The following THSD4 variants were observed in gnomAD, a reference collection of about 807,000 sequenced individuals.
THSD4 encodes thrombospondin type-1 domain-containing protein 4.
Under a neutral mutation model 119.0 loss-of-function variants are expected in THSD4, and 69 were observed. The observed-to-expected ratio is 0.58, with a 90% CI of 0.48 to 0.71. THSD4 has a LOEUF of 0.71. Ranked by LOEUF, THSD4 falls within the 30% of genes least tolerant of loss-of-function variation. The pLI, the probability that THSD4 is intolerant of heterozygous loss-of-function variation, is 0.00. For missense variants in THSD4, 1,393 were observed against 1,391.1 expected (o/e 1.00, Z -0.02); for synonymous variants, 524 against 540.4 (o/e 0.97, Z 0.42).
intron 6 of THSD4, chr15:71,342,463 C>G (rs1033514522): frequency 6.6e-6 from 1 of 152,580 alleles, no homozygotes; most frequent in Non-Finnish European, 1.5e-5. Flanking sequence ...GCATGGGAGT[C>G]CCTCCCTTCT....
intron 7 of THSD4, among the ~76,000 whole-genome samples, chr15:71,438,400 C>G (rs2047044767): frequency 6.6e-6 from 1 of 151,764 alleles, no homozygotes; most frequent in Admixed American, 6.6e-5. Context: ...TTTTGTGATT[C>G]TGGATTTTAT....
intron 8 of THSD4, among the ~76,000 whole-genome samples, chr15:71,682,140 A>G (rs960445758): frequency 1.3e-5 from 2 of 152,222 alleles, no homozygotes; most frequent in African/African-American, 4.8e-5. Flanking sequence ...ACAATTAAGT[A>G]AGTTAAACTT....
intron 7 of THSD4, among the ~76,000 whole-genome samples, chr15:71,616,013 C>T (rs2140918858): frequency 6.6e-6 from 1 of 152,302 alleles, no homozygotes; most frequent in Admixed American, 6.5e-5. Flanking sequence ...CACCTCACAG[C>T]ACAACATCTG....
At chr15:71,361,240 G>A (rs901549077) in intron 6 of THSD4, among the ~76,000 whole-genome samples, 70 of 152,280 alleles carry the variant, frequency 4.6e-4, no homozygotes, top group Non-Finnish European at 9.4e-4. Context: ...GAGCTTAAAA[G>A]TGACTATTAG....
chr15:71,425,841 A>G (rs1481723782), intron 7 of THSD4, among the ~76,000 whole-genome samples: 1 of 152,222 alleles, frequency 6.6e-6, no homozygotes, highest in African/African-American at 2.4e-5. Context: ...TTGAGTGCAG[A>G]TGAAACAAGG....
chr15:71,530,537 A>G (rs962195590), intron 7 of THSD4, among the ~76,000 whole-genome samples: 7 of 152,194 alleles, frequency 4.6e-5, no homozygotes, highest in African/African-American at 1.7e-4. Flanking sequence ...TGACATGCCC[A>G]CGTATTTAAA....
At chr15:71,756,455 T>C (rs1287307433) in intron 14 of THSD4, among the ~76,000 whole-genome samples, 1 of 152,264 alleles carries the variant, frequency 6.6e-6, no homozygotes, top group East Asian at 1.9e-4. Context: ...AAGGTATCTG[T>C]AGGACACCCA....
At chr15:71,620,842 G>A (rs1208725490) in intron 7 of THSD4, among the ~76,000 whole-genome samples, 1 of 152,154 alleles carries the variant, frequency 6.6e-6, no homozygotes, top group Non-Finnish European at 1.5e-5. Context: ...AGGTGGGGTA[G>A]AGGGTTAAAA....
chr15:71,662,874 G>A (rs972516271), intron 8 of THSD4, among the ~76,000 whole-genome samples: 1 of 152,102 alleles, frequency 6.6e-6, no homozygotes, highest in Admixed American at 6.5e-5. Context: ...CAGAGAGATT[G>A]TCAGTTTTGA....
Position 71,172,682 on chromosome 15 carries a change from CATATATATATATATATATATATATATAT to C in THSD4, c.99+17775_99+17802del, listed in dbSNP as rs71152331. 7.5e-3 allele frequency among the ~76,000 whole-genome samples: 181 copies of C among 24,242 alleles called. 5 individuals are homozygous for C. Among genetic ancestry groups the C allele is most frequent in the Admixed American group, 0.023 (33 of 1,410 alleles). The allele number at this position is 24,242 out of a possible 152,430, so 15.9% of individuals were successfully genotyped here. On this transcript the variant is annotated intron_variant, in intron 3 of 17. Transcript: ENST00000261862. The stretch of plus-strand genomic sequence containing the variant: ...AATACAGCATGAAAATAGACCTATA[CATATATATATATATATATATATATATAT>C]ATATATATATATATATATATATATG...
intron 7 of THSD4, among the ~76,000 whole-genome samples, chr15:71,490,566 A>C (rs1013676003): frequency 2.0e-5 from 3 of 149,588 alleles, no homozygotes; most frequent in Non-Finnish European, 4.5e-5. Context: ...TCTCAAAAAA[A>C]AAAAAAAAAA....
At chr15:71,297,513 C>A (rs1220564212) in intron 6 of THSD4, among the ~76,000 whole-genome samples, 1 of 151,836 alleles carries the variant, frequency 6.6e-6, no homozygotes, top group Admixed American at 6.6e-5. Flanking sequence ...TTTTTGTATT[C>A]TTAGTAGAGA....
In THSD4 at chr15:71,362,414, A is replaced by G. The variant is rs183838090; in HGVS notation, c.1016-49273A>G. ...AAAAATGAGACAAAACAAAGGCAAG[A>G]TTGTAGAACAAATCATTACCACTAC... is the stretch of plus-strand genomic sequence containing the variant. On this transcript the variant is annotated intron_variant, in intron 6 of 17. Transcript: ENST00000261862. Among the ~76,000 whole-genome samples the G allele has an allele frequency of 5.1e-4, 78 of 152,332 alleles. 1 individual carries two copies. In the East Asian group the frequency reaches 0.014, roughly 27 times the overall value.
chr15:71,732,364 C>A (rs1406997590), intron 10 of THSD4: 1 of 152,182 alleles, frequency 6.6e-6, no homozygotes, highest in South Asian at 2.1e-4. Flanking sequence ...TCCTGGTGGG[C>A]TCTGCTTATG....
At chr15:71,686,564 G>T (rs1233936674) in intron 8 of THSD4, among the ~76,000 whole-genome samples, 1 of 152,184 alleles carries the variant, frequency 6.6e-6, no homozygotes, top group East Asian at 1.9e-4. Context: ...GATAGTGAGA[G>T]TAATGACATG....
At chr15:71,608,222 C>CAAAAAAAAAA (rs1220559216) in intron 7 of THSD4, among the ~76,000 whole-genome samples, 1 of 46,756 alleles carries the variant, frequency 2.1e-5, no homozygotes, top group Non-Finnish European at 4.0e-5. Context: ...AACTCTGTCT[C>CAAAAAAAAAA]AAAAAAAAAA....
intron 6 of THSD4, among the ~76,000 whole-genome samples, chr15:71,275,137 C>G (rs2044575585): frequency 6.6e-6 from 1 of 151,966 alleles, no homozygotes; most frequent in East Asian, 1.9e-4. Context: ...ATGGTCTGCC[C>G]TGGGTCACAG....
At chr15:71,527,708 C>CTTTTTTTTTTTTT (rs10635101) in intron 7 of THSD4, among the ~76,000 whole-genome samples, 4 of 79,716 alleles carry the variant, frequency 5.0e-5, no homozygotes, top group Non-Finnish European at 7.4e-5. Flanking sequence ...TGTTTATCCT[C>CTTTTTTTTTTTTT]TTTTTTTTTT....
Position 71,555,295 on chromosome 15 carries a change from A to G in THSD4, c.1153-105235A>G, listed in dbSNP as rs556294102. On this transcript the variant is annotated intron_variant, in intron 7 of 17. Coordinates refer to ENST00000261862, the MANE Select transcript of THSD4 (RefSeq NM_024817.3). ...AGAATGTAAAAGTTCTCAATGATTT[A>G]TCTCCTTTCCAGTATTAGGCATTAT... Among the ~76,000 whole-genome samples, 12 of 152,306 alleles carry G rather than the reference A, an allele frequency of 7.9e-5. No homozygotes were observed. The East Asian group carries it at 2.3e-3, about 29-fold the overall frequency.
Sources: allele counts gnomAD v4.1 joint callset (sites outside exome capture counted in the v4.1 genomes callset), GRCh38; gene constraint gnomAD v4.1.1; transcripts MANE v1.5; gene names NCBI Gene and HGNC (gene_info 2026-07-23, HGNC 2026-07-21).